Variants in PCDHA4 observed in about 807,000 individuals in gnomAD.
PCDHA4 encodes protocadherin alpha-4.
In PCDHA4, 49 loss-of-function variants were observed where a neutral mutation model predicts 61.4. The observed-to-expected ratio is 0.80, with a 90% CI of 0.63 to 1.01. The LOEUF (loss-of-function observed/expected upper bound fraction) is 1.01. Among genes scored for constraint, PCDHA4 ranks in the 50% least tolerant of loss-of-function variants. The probability of loss-of-function intolerance (pLI) is 0.00; values close to 1 mark genes in which losing one functional copy is unlikely to be tolerated. For missense variants in PCDHA4, 1,254 were observed against 1,235.8 expected, an observed-to-expected ratio of 1.01 and a Z score of -0.22; for synonymous variants, 590 against 550.3, an observed-to-expected ratio of 1.07 and a Z score of -1.01.
In PCDHA4 at chr5:140,918,657, T is replaced by G. The variant is rs116489086; in HGVS notation, c.2386-60292T>G. Among the ~76,000 whole-genome samples, 1,219 of 152,370 alleles carry G rather than the reference T, an allele frequency of 8.0e-3. 6 individuals are homozygous for G. The highest frequency in any genetic ancestry group is 0.019 in the African/African-American group (787 of 41,596). ...CATAAATTGAAACCTAATTCTCATG[T>G]TGATGGTATGAAGAGGTGAGACCTT... On this transcript the variant is annotated intron_variant, in intron 1 of 3. Coordinates refer to ENST00000530339, the MANE Select transcript of PCDHA4 (RefSeq NM_018907.4).
intron 1 of PCDHA4, chr5:140,829,910 C>T (rs2150177583): frequency 3.7e-6 from 6 of 1,613,984 alleles, no homozygotes; most frequent in South Asian, 3.3e-5. Flanking sequence ...CAACGCGTGG[C>T]TTTCGTATGA....
At chr5:140,823,917 G>A in intron 1 of PCDHA4, 1 of 1,614,028 alleles carries the variant, frequency 6.2e-7, no homozygotes, top group Non-Finnish European at 8.5e-7. Flanking sequence ...TGCTCACGCT[G>A]CTGCTGTACA....
At chr5:140,971,952 C>T (rs782029862) in intron 1 of PCDHA4, among the ~76,000 whole-genome samples, 3 of 152,012 alleles carry the variant, frequency 2.0e-5, no homozygotes, top group Non-Finnish European at 4.4e-5. Context: ...CATCTGACTC[C>T]AAAAACTTTT....
intron 1 of PCDHA4, chr5:140,875,190 C>T (rs2055337617): frequency 4.0e-6 from 2 of 496,884 alleles, no homozygotes; most frequent in Admixed American, 4.0e-5. Flanking sequence ...TTAAGAGTGA[C>T]CCAGGAAGTG....
At chr5:141,002,559 G>C (rs2098085590) in intron 3 of PCDHA4, among the ~76,000 whole-genome samples, 2 of 152,192 alleles carry the variant, frequency 1.3e-5, no homozygotes. Context: ...GGATCCACCA[G>C]TTAGTGACCA....
chr5:140,971,040 A>G (rs1554232989), intron 1 of PCDHA4, among the ~76,000 whole-genome samples: 2 of 152,194 alleles, frequency 1.3e-5, no homozygotes, highest in Non-Finnish European at 2.9e-5. Flanking sequence ...AAGCACGTAA[A>G]AGGGTTTAGC....
At chr5:140,877,172 C>A (rs371577720) in intron 1 of PCDHA4, 1 of 1,613,818 alleles carries the variant, frequency 6.2e-7, no homozygotes. Flanking sequence ...GCACTGCTGG[C>A]GACTCCGGCT....
chr5:140,879,744 A>T (rs1356373675), intron 1 of PCDHA4, among the ~76,000 whole-genome samples: 1 of 152,212 alleles, frequency 6.6e-6, no homozygotes, highest in Admixed American at 6.5e-5. Flanking sequence ...AGGTGTTGTC[A>T]AGGCTATACT....
At chr5:140,960,855 A>T (rs1363929142) in intron 1 of PCDHA4, among the ~76,000 whole-genome samples, 1 of 152,204 alleles carries the variant, frequency 6.6e-6, no homozygotes, top group Non-Finnish European at 1.5e-5. Context: ...GGCAACTATA[A>T]GCCAGAAATT....
At position 140,951,558 on chromosome 5, in the gene PCDHA4, C is replaced by T. The variant is rs79908970; in HGVS notation, c.2386-27391C>T. On this transcript the variant is annotated intron_variant, in intron 1 of 3. Coordinates refer to ENST00000530339, the MANE Select transcript of PCDHA4 (RefSeq NM_018907.4). The stretch of plus-strand genomic sequence containing the variant: ...GAGCAAGGGACGGGGGGAAGTGCTA[C>T]GCACTTTTAAACAACCAGATTTCAC... Among the ~76,000 whole-genome samples the T allele has an allele frequency of 3.7e-4, 56 of 152,112 alleles. No individual in the cohort carries two copies. In the East Asian group the frequency reaches 9.5e-3, roughly 26 times the overall value.
At chr5:140,822,457 T>C in intron 1 of PCDHA4, 2 of 1,613,784 alleles carry the variant, frequency 1.2e-6, no homozygotes, top group Non-Finnish European at 8.5e-7. Flanking sequence ...AGTTCAGTTG[T>C]TGATCAATGT....
chr5:140,971,161 C>T (rs189213416), intron 1 of PCDHA4, among the ~76,000 whole-genome samples: 1 of 152,292 alleles, frequency 6.6e-6, no homozygotes, highest in Non-Finnish European at 1.5e-5. Flanking sequence ...CCAGGCTCAG[C>T]TTTGCCACCA....
intron 1 of PCDHA4, chr5:140,866,107 G>T (rs2049153150): frequency 6.6e-6 from 1 of 152,146 alleles, no homozygotes; most frequent in African/African-American, 2.4e-5. Flanking sequence ...GTAATTAAGA[G>T]TTGCCTTATA....
At chr5:140,865,675 A>G (rs564629506) in intron 1 of PCDHA4, 8 of 152,324 alleles carry the variant, frequency 5.3e-5, no homozygotes, top group African/African-American at 1.9e-4. Flanking sequence ...AACAATTTCT[A>G]AAGTACATAT....
intron 1 of PCDHA4, among the ~76,000 whole-genome samples, chr5:140,900,840 T>G (rs6874218): frequency 0.33 from 49,667 of 152,016 alleles, 8,381 homozygotes; most frequent in East Asian, 0.53. Flanking sequence ...ATGTACAAAG[T>G]TTCCCTTTTT....
chr5:140,841,115 G>T (rs1777030061), intron 1 of PCDHA4: 4 of 612,976 alleles, frequency 6.5e-6, no homozygotes, highest in Non-Finnish European at 1.1e-5. Flanking sequence ...AGTAATTCAT[G>T]TAATCATTAC....
intron 1 of PCDHA4, among the ~76,000 whole-genome samples, chr5:140,971,158 C>T (rs1554233066): frequency 6.6e-6 from 1 of 152,172 alleles, no homozygotes; most frequent in African/African-American, 2.4e-5. Context: ...AGGCCAGGCT[C>T]AGCTTTGCCA....
chr5:140,817,621 A>G (rs955699396), intron 1 of PCDHA4: 1 of 152,214 alleles, frequency 6.6e-6, no homozygotes, highest in African/African-American at 2.4e-5. Context: ...GAATCATTAT[A>G]CCATTTACTT....
At chr5:140,841,349 G>T in intron 1 of PCDHA4, 1 of 1,612,780 alleles carries the variant, frequency 6.2e-7, no homozygotes, top group Non-Finnish European at 8.5e-7. Flanking sequence ...AGGAGAGCTG[G>T]GATCCTGGCG....
Sources: allele counts gnomAD v4.1 joint callset (sites outside exome capture counted in the v4.1 genomes callset), GRCh38; gene constraint gnomAD v4.1.1; transcripts MANE v1.5; gene names NCBI Gene and HGNC (gene_info 2026-07-23, HGNC 2026-07-21).